The following CRACDL variants were observed in gnomAD, a reference collection of about 807,000 sequenced individuals.
CRACDL encodes CRACD like.
Under a neutral mutation model 70.6 loss-of-function variants are expected in CRACDL, and 26 were observed. That is an observed-to-expected ratio of 0.37 (90% CI 0.27 to 0.51). CRACDL has a LOEUF of 0.51. Ranked by LOEUF, CRACDL falls within the 20% of genes least tolerant of loss-of-function variation. The pLI is 0.94. For synonymous variants in CRACDL, 618 were observed against 615.2 expected (o/e 1.00, Z -0.07); for missense variants, 1,283 against 1,376.9 (o/e 0.93, Z 1.08).
In CRACDL at chr2:98,823,005, T is replaced by C. The variant is rs1044083074; in HGVS notation, c.1268A>G (p.Glu423Gly). 1 of 1,513,460 alleles carries C rather than the reference T, an allele frequency of 6.6e-7. No individual in the cohort carries two copies. Among genetic ancestry groups the C allele is most frequent in the East Asian group, 2.7e-5 (1 of 37,234 alleles). The allele number at this position is 1,513,460 out of a possible 1,614,324, so 93.8% of individuals were successfully genotyped here. The change falls in exon 7 of 10, where the codon GAG becomes GGG. Residue 423 changes from glutamate (E) to glycine (G), a missense_variant. Physicochemically the swap from Glu to Gly is moderately conservative, Grantham distance 98. Coordinates refer to ENST00000397899, the MANE Select transcript of CRACDL (RefSeq NM_207362.3). This position sits in a 1 kb window ranked among gnomAD's most constrained non-coding sequence, Gnocchi z 4.0. ...TGGCCCGTCGCGAGCAGAGGGCGCC[T>C]CTGAGGTGGCGGCGGGGTCAGTCTC... ...PPETDPAATSEAPSARDGPER... is the reference protein window; with the variant it reads ...PPETDPAATSGAPSARDGPER...
At chr2:98,853,835 A>G (rs960985599) in intron 1 of CRACDL, among the ~76,000 whole-genome samples, 29 of 152,214 alleles carry the variant, frequency 1.9e-4, no homozygotes, top group African/African-American at 6.5e-4. Context: ...TTTCAGAATT[A>G]ATACTGTGAT....
chr2:98,831,238 C>T (rs1032263249), intron 5 of CRACDL, among the ~76,000 whole-genome samples: 2 of 152,150 alleles, frequency 1.3e-5, no homozygotes, highest in Non-Finnish European at 2.9e-5. Context: ...ATTCTCTAGC[C>T]GGCTTCATGT....
intron 1 of CRACDL, chr2:98,912,912 C>A: frequency 6.6e-6 from 1 of 152,290 alleles, no homozygotes; most frequent in Non-Finnish European, 1.5e-5. Flanking sequence ...GTAGCTAAGC[C>A]CACATTTTAA....
chr2:98,893,842 G>C (rs1247926094), intron 1 of CRACDL, among the ~76,000 whole-genome samples: 1 of 152,200 alleles, frequency 6.6e-6, no homozygotes, highest in Non-Finnish European at 1.5e-5. Flanking sequence ...AGCCCAGTCA[G>C]GGCATAAGAA....
At chr2:98,863,463 A>G (rs1483570272) in intron 1 of CRACDL, among the ~76,000 whole-genome samples, 2 of 152,220 alleles carry the variant, frequency 1.3e-5, no homozygotes, top group Non-Finnish European at 2.9e-5. Flanking sequence ...TAAAGAAATA[A>G]AGATCTCAAT....
At chr2:98,926,446 T>C (rs1708911767) in intron 1 of CRACDL, among the ~76,000 whole-genome samples, 1 of 152,172 alleles carries the variant, frequency 6.6e-6, no homozygotes, top group South Asian at 2.1e-4. Context: ...TCAGGCCATT[T>C]TGAACAGTCC....
At chr2:98,859,887 T>C (rs1397475977) in intron 1 of CRACDL, among the ~76,000 whole-genome samples, 1 of 152,228 alleles carries the variant, frequency 6.6e-6, no homozygotes, top group Non-Finnish European at 1.5e-5. Flanking sequence ...GTAGATGACA[T>C]GATCATGCAC....
At chr2:98,913,588 G>T (rs540150449) in intron 1 of CRACDL, among the ~76,000 whole-genome samples, 6 of 152,206 alleles carry the variant, frequency 3.9e-5, no homozygotes, top group African/African-American at 1.2e-4. Flanking sequence ...GCAGGCAGAG[G>T]GCCAAGCCGA....
chr2:98,795,099 G>T (rs1703762450), intron 9 of CRACDL, among the ~76,000 whole-genome samples: 2 of 31,928 alleles, frequency 6.3e-5, no homozygotes, highest in African/African-American at 8.6e-5. Context: ...TTTTGAGACA[G>T]AAGTCTCACT....
chr2:98,870,915 C>A (rs1707316550), intron 1 of CRACDL, among the ~76,000 whole-genome samples: 1 of 152,214 alleles, frequency 6.6e-6, no homozygotes, highest in Non-Finnish European at 1.5e-5. Flanking sequence ...AGACATCACT[C>A]CACACTGAGA....
chr2:98,796,970 G>A (rs1703849826), intron 8 of CRACDL, among the ~76,000 whole-genome samples: 1 of 152,214 alleles, frequency 6.6e-6, no homozygotes, highest in East Asian at 1.9e-4. Context: ...AAGCTGGGAT[G>A]GAGCTGTCGA....
chr2:98,867,361 G>A (rs373303377), intron 1 of CRACDL, among the ~76,000 whole-genome samples: 13 of 152,230 alleles, frequency 8.5e-5, no homozygotes, highest in Middle Eastern at 3.4e-3. Context: ...ATGCACACAT[G>A]AGCCTATGTT....
At chr2:98,934,064 C>G (rs1434272595) in intron 1 of CRACDL, among the ~76,000 whole-genome samples, 3 of 152,168 alleles carry the variant, frequency 2.0e-5, no homozygotes, top group Non-Finnish European at 4.4e-5. Flanking sequence ...AAGGCCTCAT[C>G]TCTTAATACC....
intron 1 of CRACDL, among the ~76,000 whole-genome samples, chr2:98,906,750 T>G (rs1708427700): frequency 6.6e-6 from 1 of 152,234 alleles, no homozygotes; most frequent in African/African-American, 2.4e-5. Context: ...TCTAGTGATT[T>G]TTTTAATTGT....
intron 1 of CRACDL, among the ~76,000 whole-genome samples, chr2:98,853,214 T>C (rs879571341): frequency 6.6e-6 from 1 of 152,068 alleles, no homozygotes; most frequent in Non-Finnish European, 1.5e-5. Flanking sequence ...CATAGTGTAC[T>C]AAAACCAAAG....
chr2:98,808,740 T>C (rs1575329393), intron 7 of CRACDL, among the ~76,000 whole-genome samples: 1 of 152,300 alleles, frequency 6.6e-6, no homozygotes, highest in East Asian at 1.9e-4. Context: ...AAAGATACTG[T>C]CTTCTCTTCT....
intron 7 of CRACDL, among the ~76,000 whole-genome samples, chr2:98,818,144 G>A (rs761406518): frequency 2.0e-5 from 3 of 152,186 alleles, no homozygotes; most frequent in Non-Finnish European, 4.4e-5. Context: ...AAATGAACAA[G>A]GCTGATAACC....
chr2:98,885,093 T>C (rs919113480), intron 1 of CRACDL, among the ~76,000 whole-genome samples: 1 of 152,284 alleles, frequency 6.6e-6, no homozygotes, highest in Middle Eastern at 3.4e-3. Flanking sequence ...TGTGTATCTA[T>C]GGCAATTAGG....
chr2:98,818,320 C>G (rs905990735), intron 7 of CRACDL, among the ~76,000 whole-genome samples: 2 of 152,350 alleles, frequency 1.3e-5, no homozygotes, highest in Middle Eastern at 3.4e-3. Context: ...CTGTTTATTA[C>G]AACCAACCAC....
Sources: gnomAD v4.1 joint callset for allele counts (sites outside exome capture counted in the v4.1 genomes callset) on GRCh38, gnomAD v4.1.1 for gene constraint, Gnocchi (gnomAD v3.1) non-coding constraint, MANE v1.5 for transcripts, NCBI Gene and HGNC (gene_info 2026-07-23, HGNC 2026-07-21) for gene names.